NFE2L3: variants seen among roughly 807,000 people sequenced by gnomAD.
NFE2L3 encodes the protein nuclear factor erythroid 2-related factor 3.
Under a neutral mutation model 23.5 loss-of-function variants are expected in NFE2L3, and 18 were observed. The ratio of observed to expected loss-of-function variants is 0.77; its 90% confidence interval spans 0.53 to 1.13. The LOEUF is 1.13. Among genes scored for constraint, NFE2L3 ranks in the 50% most tolerant of loss-of-function variants. The probability of loss-of-function intolerance (pLI) is 0.00; values close to 1 mark genes in which losing one functional copy is unlikely to be tolerated. For synonymous variants in NFE2L3, 424 were observed against 354.5 expected (o/e 1.20, Z -2.20); for missense variants, 1,152 against 877.2 (o/e 1.31, Z -3.96).
At chr7:26,167,621 C>T (rs1784269396) in intron 1 of NFE2L3, among the ~76,000 whole-genome samples, 1 of 152,070 alleles carries the variant, frequency 6.6e-6, no homozygotes, top group Non-Finnish European at 1.5e-5. Flanking sequence ...CTTGTCTATT[C>T]TTTAAATAAA....
Position 26,185,030 on chromosome 7 carries a change from A to C in NFE2L3, c.1332A>C (p.Glu444Asp), listed in dbSNP as rs140935790. Residue 444 changes from glutamate to aspartate, a missense_variant, in exon 4 of 4, where the codon GAA becomes GAC. Coordinates refer to ENST00000056233, the MANE Select transcript of NFE2L3 (RefSeq NM_004289.7). ...ATTCCTCTCACTCTGTGTGTGATGA[A>C]GGTGCTATAGGTTATTGCACTGACC... ...KSNSSHSVCD[E>D]GAIGYCTDHE... The C allele has an allele frequency of 2.5e-6, 4 of 1,613,800 alleles. No individual in the cohort carries two copies. The East Asian group carries it at 8.9e-5, about 36-fold the overall frequency.
chr7:26,171,070 A>G (rs948423295), intron 1 of NFE2L3, among the ~76,000 whole-genome samples: 1 of 152,178 alleles, frequency 6.6e-6, no homozygotes, highest in Non-Finnish European at 1.5e-5. Flanking sequence ...AGGAATTATA[A>G]TTGGCACAAA....
chr7:26,180,695 G>C (rs550922543), intron 2 of NFE2L3, among the ~76,000 whole-genome samples: 3 of 151,948 alleles, frequency 2.0e-5, no homozygotes, highest in Non-Finnish European at 4.4e-5. Context: ...AGAAAAGCAA[G>C]AACTGTAACA....
At chr7:26,161,304 C>G (rs1379579100) in intron 1 of NFE2L3, among the ~76,000 whole-genome samples, 2 of 142,884 alleles carry the variant, frequency 1.4e-5, no homozygotes, top group Non-Finnish European at 3.0e-5. Flanking sequence ...AGCTCAACCG[C>G]AGGAAGAACT....
At chr7:26,183,592 A>G in intron 2 of NFE2L3, 109 bp from the exon 3 acceptor site, 2 of 702,472 alleles carry the variant, frequency 2.8e-6, no homozygotes, top group Admixed American at 2.4e-5. Context: ...ATAATAGCAT[A>G]AAAATCCAGT....
rs1031438911 is a variant in NFE2L3 at position 26,165,006 on chromosome 7, A to C, written c.570+11938A>C. ...GGGCTCTGTTCTGTTCCATTGGTCT[A>C]TATCTCTGTTTTGGTACCAGTACCA... On this transcript the variant is annotated intron_variant, in intron 1 of 3. Transcript: ENST00000056233. 2.6e-5 allele frequency among the ~76,000 whole-genome samples: 4 copies of C among 152,118 alleles called. No homozygotes were observed. The East Asian group carries it at 7.7e-4, about 29-fold the overall frequency.
intron 2 of NFE2L3, among the ~76,000 whole-genome samples, chr7:26,180,661 CTT>C (rs1784491118): frequency 1.3e-5 from 2 of 152,214 alleles, no homozygotes; most frequent in Admixed American, 6.5e-5. Flanking sequence ...ATGTCTTCGT[CTT>C]TACTCCCTCA....
At chr7:26,180,265 G>A (rs1408923256) in intron 2 of NFE2L3, among the ~76,000 whole-genome samples, 2 of 152,154 alleles carry the variant, frequency 1.3e-5, no homozygotes, top group East Asian at 3.9e-4. Context: ...AGGGGGTAGA[G>A]AGCACACCCC....
At chr7:26,160,839 A>C (rs1475915333) in intron 1 of NFE2L3, among the ~76,000 whole-genome samples, 1 of 152,224 alleles carries the variant, frequency 6.6e-6, no homozygotes, top group Non-Finnish European at 1.5e-5. Flanking sequence ...AAAACTGACC[A>C]TCACGCCATC....
At chr7:26,161,600 T>A (rs1784175213) in intron 1 of NFE2L3, among the ~76,000 whole-genome samples, 1 of 152,082 alleles carries the variant, frequency 6.6e-6, no homozygotes, top group South Asian at 2.1e-4. Flanking sequence ...CGGCAATACC[T>A]GAATGGAAGG....
chr7:26,156,201 T>C (rs1263983651), intron 1 of NFE2L3, among the ~76,000 whole-genome samples: 1 of 152,068 alleles, frequency 6.6e-6, no homozygotes, highest in Non-Finnish European at 1.5e-5. Flanking sequence ...CCTCAGAGGG[T>C]TGATGTGAGA....
At chr7:26,168,088 C>T (rs1260180124) in intron 1 of NFE2L3, among the ~76,000 whole-genome samples, 3 of 145,732 alleles carry the variant, frequency 2.1e-5, no homozygotes, top group African/African-American at 7.5e-5. Context: ...CCCTCTCTCC[C>T]TTCCTGCCTC....
At chr7:26,178,245 T>C in intron 2 of NFE2L3, 123 bp downstream of exon 2, 2 of 734,912 alleles carry the variant, frequency 2.7e-6, no homozygotes, top group Non-Finnish European at 4.4e-6. Context: ...AAATATGATA[T>C]ATGAAAATAC....
Position 26,184,616 on chromosome 7 carries a change from C to G in NFE2L3, c.918C>G (p.Ser306Arg), listed in dbSNP as rs573009454. ...CAGCACATTATCATGTAAACTTCAG[C>G]CAGGCTATAAGTCAGGATGTGAATC... ...NSSAHYHVNF[S>R]QAISQDVNLH... The change falls in exon 4 of 4, where the codon AGC becomes AGG. Residue 306 changes from serine to arginine, a missense_variant. By Grantham distance (110) the Ser-to-Arg change is moderately radical. Transcript: ENST00000056233. The G allele has an allele frequency of 1.2e-5, 20 of 1,613,856 alleles. No homozygotes were observed. The highest frequency in any genetic ancestry group is 8.0e-5 in the African/African-American group (6 of 75,034).
At chr7:26,180,579 T>C (rs774730632) in intron 2 of NFE2L3, among the ~76,000 whole-genome samples, 6 of 152,208 alleles carry the variant, frequency 3.9e-5, no homozygotes, top group Non-Finnish European at 8.8e-5. Context: ...ACAGCTCTGT[T>C]TGAGGGAAAA....
Position 26,185,770 on chromosome 7 carries a change from G to A in NFE2L3, c.2072G>A (p.Gly691Glu), listed in dbSNP as rs141498113. Reference protein sequence around the residue: ...ASGHKKETQKGKRK With the variant: ...ASGHKKETQKEKRK ...GGCCACAAAAAGGAAACCCAAAAGG[G>A]AAAGAGAAAGTGAGAAGAAACTGAA... The change falls in exon 4 of 4, where the codon GGA becomes GAA. Residue 691 changes from glycine (G) to glutamate (E), a missense_variant. Coordinates refer to ENST00000056233, the MANE Select transcript of NFE2L3 (RefSeq NM_004289.7). The A allele has an allele frequency of 6.3e-7, 1 of 1,579,784 alleles. No homozygotes were observed. Among genetic ancestry groups the A allele is most frequent in the Non-Finnish European group, 8.5e-7 (1 of 1,171,204 alleles).
rs759483737 is a variant in NFE2L3 at position 26,178,128 on chromosome 7, C to T, written c.750+6C>T. The T allele has an allele frequency of 1.9e-6, 3 of 1,608,168 alleles. No homozygotes were observed. The highest frequency in any genetic ancestry group is 2.5e-6 in the Non-Finnish European group (3 of 1,177,520). Reference sequence around the variant, plus strand: ...CCACTGAATCTAGAAATGAGGTAAGCCTGTCAGAATATTCAAGCCTTGCCG... The same window carrying T: ...CCACTGAATCTAGAAATGAGGTAAGTCTGTCAGAATATTCAAGCCTTGCCG... On this transcript the variant is annotated splice_donor_region_variant and intron_variant, in intron 2 of 3. Transcript: ENST00000056233.
chr7:26,180,716 C>T (rs1383276017), intron 2 of NFE2L3, among the ~76,000 whole-genome samples: 2 of 152,038 alleles, frequency 1.3e-5, no homozygotes, highest in Non-Finnish European at 2.9e-5. Context: ...AACTAATTCA[C>T]TGCTAGGCAC....
At chr7:26,153,973 C>T (rs1425388290) in intron 1 of NFE2L3, among the ~76,000 whole-genome samples, 1 of 152,218 alleles carries the variant, frequency 6.6e-6, no homozygotes, top group Admixed American at 6.5e-5. Flanking sequence ...CAGTGGTGAT[C>T]AACTAATGTT....
Sources: gnomAD v4.1 joint callset for allele counts (sites outside exome capture counted in the v4.1 genomes callset) on GRCh38, gnomAD v4.1.1 for gene constraint, MANE v1.5 for transcripts, NCBI Gene and HGNC (gene_info 2026-07-23, HGNC 2026-07-21) for gene names.